Variants in ERLIN1 observed in about 807,000 individuals in gnomAD.
ERLIN1 encodes erlin-1.
Under a neutral mutation model 46.9 loss-of-function variants are expected in ERLIN1, and 24 were observed. The observed-to-expected ratio is 0.51, with a 90% CI of 0.37 to 0.72. The LOEUF (loss-of-function observed/expected upper bound fraction) is 0.72, where lower values mean the gene tolerates loss of function less well. ERLIN1 is among the 30% of genes least tolerant of loss of function. The probability of loss-of-function intolerance (pLI) is 0.00; values close to 1 mark genes in which losing one functional copy is unlikely to be tolerated. For synonymous variants in ERLIN1, 158 were observed against 143.2 expected (o/e 1.10, Z -0.74); for missense variants, 293 against 417.9 (o/e 0.70, Z 2.61).
chr10:100,185,287 T>C (rs1163210465), intron 1 of ERLIN1, among the ~76,000 whole-genome samples: 4 of 152,178 alleles, frequency 2.6e-5, no homozygotes, highest in Admixed American at 6.5e-5. Context: ...TTGCTGTGTA[T>C]AGGAATAACC....
At chr10:100,179,760 A>AGCGAATGTTTGAATT (rs1235406545) in intron 2 of ERLIN1, among the ~76,000 whole-genome samples, 2 of 152,130 alleles carry the variant, frequency 1.3e-5, no homozygotes, top group Non-Finnish European at 2.9e-5. Context: ...CCTGGCCTAC[A>AGCGAATGTTTGAATT]GCGAATGTTT....
Position 100,185,575 on chromosome 10 carries a change from C to T in ERLIN1, c.52G>A (p.Ala18Thr), listed in dbSNP as rs1342408853. The T allele has an allele frequency of 3.7e-6, 6 of 1,613,898 alleles. No homozygotes were observed. The highest frequency in any genetic ancestry group is 5.1e-6 in the Non-Finnish European group (6 of 1,179,882). Residue 18 changes from alanine (A) to threonine (T), a missense_variant, in exon 1 of 11, where the codon GCT becomes ACT. This residue lies in a region of ERLIN1 where 76 missense variants were observed against 77.0 expected (regional missense o/e 0.99). Transcript: ENST00000421367. The part of the protein sequence containing the change: ...VLVAAVVGLV[A>T]VLLYASIHKI... ...TGGATGGAGGCGTAGAGCAGGACAG[C>T]CACCAACCCCACCACTGCAGCCACC...
At chr10:100,184,715 T>G (rs747993882) in intron 1 of ERLIN1, among the ~76,000 whole-genome samples, 4 of 152,354 alleles carry the variant, frequency 2.6e-5, no homozygotes, top group Admixed American at 2.0e-4. Context: ...TAATTTCTTA[T>G]GTAGAGCTCC....
chr10:100,161,841 A>G (rs1589522231), intron 8 of ERLIN1, among the ~76,000 whole-genome samples: 1 of 152,174 alleles, frequency 6.6e-6, no homozygotes, highest in Non-Finnish European at 1.5e-5. Context: ...AAACTATTCA[A>G]TAAACAGTCT....
At chr10:100,158,413 T>C (rs958125377) in intron 8 of ERLIN1, among the ~76,000 whole-genome samples, 5 of 152,142 alleles carry the variant, frequency 3.3e-5, no homozygotes, top group African/African-American at 7.2e-5. Flanking sequence ...AATACTGCCA[T>C]ATTGATAAGG....
intron 6 of ERLIN1, among the ~76,000 whole-genome samples, chr10:100,169,526 G>A (rs944045108): frequency 6.6e-6 from 1 of 151,498 alleles, no homozygotes; most frequent in African/African-American, 2.4e-5. Context: ...AATAGTGACT[G>A]TAAAAATAGT....
At chr10:100,160,032 G>T (rs1409438627) in intron 8 of ERLIN1, among the ~76,000 whole-genome samples, 2 of 151,966 alleles carry the variant, frequency 1.3e-5, no homozygotes, top group South Asian at 2.1e-4. Flanking sequence ...AAAGGCACAA[G>T]AAAACAGTAT....
chr10:100,168,737 T>C (rs1589534297), intron 6 of ERLIN1, among the ~76,000 whole-genome samples: 1 of 149,890 alleles, frequency 6.7e-6, no homozygotes, highest in South Asian at 2.1e-4. Flanking sequence ...TGGAGTGCGG[T>C]GGTGCAATCT....
intron 8 of ERLIN1, among the ~76,000 whole-genome samples, chr10:100,158,445 T>C (rs1235699984): frequency 6.6e-6 from 1 of 152,084 alleles, no homozygotes; most frequent in Non-Finnish European, 1.5e-5. Flanking sequence ...TGGTTTAGAA[T>C]TGTAGGCTAA....
At position 100,154,856 on chromosome 10, in the gene ERLIN1, T is replaced by A; in HGVS notation, c.825+4A>T. The A allele has an allele frequency of 6.2e-7, 1 of 1,612,912 alleles. No homozygotes were observed. Among genetic ancestry groups the A allele is most frequent in the Non-Finnish European group, 8.5e-7 (1 of 1,178,926 alleles). On this transcript the variant is annotated splice_donor_region_variant and intron_variant, in intron 10 of 10. Coordinates refer to ENST00000421367, the MANE Select transcript of ERLIN1 (RefSeq NM_006459.4). ...ATTAGGAAAGTGGCCAGGGAGCCAG[T>A]CACCTTGTTTGAGGTGGCATATTTG... is the stretch of plus-strand genomic sequence containing the variant.
chr10:100,171,006 G>C (rs1169087226), intron 6 of ERLIN1, among the ~76,000 whole-genome samples: 1 of 152,232 alleles, frequency 6.6e-6, no homozygotes, highest in Non-Finnish European at 1.5e-5. Context: ...GGGTTGAGGG[G>C]ATGGAGCTGA....
At chr10:100,171,697 C>T (rs183533526) in intron 6 of ERLIN1, among the ~76,000 whole-genome samples, 11 of 152,222 alleles carry the variant, frequency 7.2e-5, no homozygotes, top group East Asian at 1.9e-4. Flanking sequence ...AGATGTGAGC[C>T]GCTATGCCCA....
At chr10:100,183,949 CCTCA>C in intron 1 of ERLIN1, 112 bp from the exon 2 acceptor site, 7 of 707,838 alleles carry the variant, frequency 9.9e-6, no homozygotes, top group Non-Finnish European at 1.5e-5. Flanking sequence ...CCTACTAAAG[CCTCA>C]CTAATATGAA....
chr10:100,167,442 GA>G, intron 6 of ERLIN1, 36 bp from the exon 7 acceptor site: 2 of 1,538,966 alleles, frequency 1.3e-6, no homozygotes, highest in Non-Finnish European at 1.8e-6. Context: ...AAGTATATTT[GA>G]AAGATAAATC....
At chr10:100,175,733 CAG>C (rs1309658665) in intron 5 of ERLIN1, among the ~76,000 whole-genome samples, 1 of 152,094 alleles carries the variant, frequency 6.6e-6, no homozygotes, top group South Asian at 2.1e-4. Flanking sequence ...ACAGTAAAAA[CAG>C]AATACAGTCT....
At position 100,156,170 on chromosome 10, in the gene ERLIN1, A is replaced by G. The variant is rs1325790989; in HGVS notation, c.720T>C (p.Thr240=). 7.4e-6 allele frequency: 12 copies of G among 1,612,894 alleles called. No homozygotes were observed. The highest frequency in any genetic ancestry group is 7.6e-6 in the Non-Finnish European group (9 of 1,179,058). ...RFQQKVMEKE[T]EKRISEIEDA... ...CTTCGATTTCAGAAATGCGCTTTTCAGTTTCTTTTTCCATCACTTTCTGCT... is the reference window on the plus strand; with the variant it reads ...CTTCGATTTCAGAAATGCGCTTTTCGGTTTCTTTTTCCATCACTTTCTGCT... The change falls in exon 9 of 11, where the codon ACT becomes ACC. Residue 240 remains threonine, a synonymous_variant. Transcript: ENST00000421367.
chr10:100,159,216 CA>C, intron 8 of ERLIN1, among the ~76,000 whole-genome samples: 1 of 152,142 alleles, frequency 6.6e-6, no homozygotes, highest in East Asian at 1.9e-4. Context: ...AAAACAGAAG[CA>C]ATTCTCCAGG....
At chr10:100,156,355 C>A in intron 8 of ERLIN1, 121 bp from the exon 9 acceptor site, 1 of 651,306 alleles carries the variant, frequency 1.5e-6, no homozygotes, top group Non-Finnish European at 2.8e-6. Flanking sequence ...CTAATTGTTT[C>A]ACTAAGTTTT....
At chr10:100,181,578 G>A (rs577578867) in intron 2 of ERLIN1, among the ~76,000 whole-genome samples, 3 of 145,762 alleles carry the variant, frequency 2.1e-5, no homozygotes, top group Admixed American at 1.4e-4. Flanking sequence ...GCAAGGGTAC[G>A]ATCTCGGCTC....
Sources: allele counts gnomAD v4.1 joint callset (sites outside exome capture counted in the v4.1 genomes callset), GRCh38; gene constraint gnomAD v4.1.1; regional missense constraint gnomAD v4.1.1; transcripts MANE v1.5; gene names NCBI Gene and HGNC (gene_info 2026-07-23, HGNC 2026-07-21).